Variants in RAP1GAP2 observed in about 807,000 individuals in gnomAD.
RAP1GAP2 encodes RAP1 GTPase activating protein 2.
A neutral mutation model predicts 95.0 loss-of-function variants in RAP1GAP2; 27 were observed. The ratio of observed to expected loss-of-function variants is 0.28; its 90% CI spans 0.21 to 0.39. The LOEUF (loss-of-function observed/expected upper bound fraction) is 0.39. Ranked by LOEUF, RAP1GAP2 falls within the 10% of genes least tolerant of loss-of-function variation. The probability of loss-of-function intolerance (pLI) is 1.00; values close to 1 mark genes in which losing one functional copy is unlikely to be tolerated. For missense variants in RAP1GAP2, 771 were observed against 970.0 expected, an observed-to-expected ratio of 0.79 and a Z score of 2.72; for synonymous variants, 373 against 380.9, an observed-to-expected ratio of 0.98 and a Z score of 0.24.
In RAP1GAP2 at chr17:3,030,983, T is replaced by C. The variant is rs766749728; in HGVS notation, c.2169T>C (p.His723=). The C allele has an allele frequency of 5.0e-6, 8 of 1,607,394 alleles. No homozygotes were observed. In the East Asian group the frequency reaches 1.6e-4, roughly 31 times the overall value. The part of the protein sequence containing the change: ...NLKFRFDKLS[H]ASSGAGH ...AATTCCGCTTTGACAAGCTCAGCCA[T>C]GCCAGCTCTGGTGCGGTAAGGATGC... The change falls in exon 23 of 25, where the codon CAT becomes CAC. Residue 723 remains histidine (H), a synonymous_variant. Coordinates refer to ENST00000254695, the MANE Select transcript of RAP1GAP2 (RefSeq NM_015085.5).
In RAP1GAP2 at chr17:3,035,986, G is replaced by C. The variant is rs760191855; in HGVS notation, c.*2625G>C. On this transcript the variant is annotated 3_prime_UTR_variant, in exon 25 of 25. Coordinates refer to ENST00000254695, the MANE Select transcript of RAP1GAP2 (RefSeq NM_015085.5). This position sits in a 1 kb window ranked among gnomAD's most constrained non-coding sequence, Gnocchi z 4.3. Reference sequence around the variant, plus strand: ...TGATCTCCACGAGGGGATGTTTTCCGGGACACATCTCTGGCTCTGGGAACT... The same window carrying C: ...TGATCTCCACGAGGGGATGTTTTCCCGGACACATCTCTGGCTCTGGGAACT... The C allele has an allele frequency of 6.6e-6, 1 of 152,178 alleles. No individual in the cohort carries two copies. Among genetic ancestry groups the C allele is most frequent in the Non-Finnish European group, 1.5e-5 (1 of 68,058 alleles). The allele number at this position is 152,178 out of a possible 1,614,324, so 9.4% of individuals were successfully genotyped here.
At chr17:2,820,892 G>GTTTTTTTTTTT (rs59814346) in intron 2 of RAP1GAP2, among the ~76,000 whole-genome samples, 1 of 104,104 alleles carries the variant, frequency 9.6e-6, no homozygotes, top group Admixed American at 1.1e-4. Context: ...CCGGATAATG[G>GTTTTTTTTTTT]TTTTTTTTTT....
chr17:2,823,685 C>A (rs186039547), intron 2 of RAP1GAP2, among the ~76,000 whole-genome samples: 2 of 152,322 alleles, frequency 1.3e-5, no homozygotes, highest in East Asian at 3.9e-4. Flanking sequence ...GGCTGCATTC[C>A]TGACTCAAGG....
rs1479457354 is a variant in RAP1GAP2, at chr17:3,004,450, G to A, written c.1201-919G>A. On this transcript the variant is annotated intron_variant, in intron 14 of 24. Transcript: ENST00000254695. This position sits in a 1 kb window ranked among gnomAD's most constrained non-coding sequence, Gnocchi z 4.1. ...GGAGGCTGGCAGCACGCCAGGGCTG[G>A]GCTCACGTCAGCGGCTGTGTAGGGA... Among the ~76,000 whole-genome samples, 1 of 152,250 alleles carries A rather than the reference G, an allele frequency of 6.6e-6. No individual in the cohort carries two copies. Among genetic ancestry groups the A allele is most frequent in the Non-Finnish European group, 1.5e-5 (1 of 68,048 alleles).
At position 2,963,342 on chromosome 17, in the gene RAP1GAP2, A is replaced by T; in HGVS notation, c.247-88A>T. On this transcript the variant is annotated intron_variant, in intron 5 of 24. Coordinates refer to ENST00000254695, the MANE Select transcript of RAP1GAP2 (RefSeq NM_015085.5). The surrounding 1 kb of genome is among the most constrained non-coding windows in gnomAD (Gnocchi z 4.8). Reference sequence around the variant, plus strand: ...TCCTCCCTCAAAGCCCCCCCACAACATATCCCCCTTGCAAGACCTGGAAAC... The same window carrying T: ...TCCTCCCTCAAAGCCCCCCCACAACTTATCCCCCTTGCAAGACCTGGAAAC... 1 of 1,180,608 alleles carries T rather than the reference A, an allele frequency of 8.5e-7. No individual in the cohort carries two copies. Among genetic ancestry groups the T allele is most frequent in the Non-Finnish European group, 1.2e-6 (1 of 806,078 alleles). 73.1% of individuals were successfully genotyped at this position (1,180,608 alleles called of 1,614,324 possible). A position where few individuals can be genotyped will look rare whatever the true frequency, so the allele number is the denominator to read the frequency against.
chr17:2,985,418 A>G (rs1036830127), intron 11 of RAP1GAP2, among the ~76,000 whole-genome samples: 1 of 152,148 alleles, frequency 6.6e-6, no homozygotes, highest in African/African-American at 2.4e-5. Flanking sequence ...CCTTGCCCAA[A>G]TTTCTCCCCA....
chr17:3,024,797 C>A (rs964323516), intron 19 of RAP1GAP2, among the ~76,000 whole-genome samples: 5 of 152,150 alleles, frequency 3.3e-5, no homozygotes, highest in Non-Finnish European at 5.9e-5. Flanking sequence ...TGTTAAGAAG[C>A]CAGACAAAAA....
chr17:2,970,307 A>AATAATG (rs1567839871), intron 8 of RAP1GAP2, among the ~76,000 whole-genome samples: 2 of 150,978 alleles, frequency 1.3e-5, no homozygotes, highest in African/African-American at 4.9e-5. Flanking sequence ...TAATAATAAT[A>AATAATG]CGTCCCTTGT....
intron 2 of RAP1GAP2, among the ~76,000 whole-genome samples, chr17:2,890,812 G>A (rs2073686399): frequency 6.6e-6 from 1 of 151,486 alleles, no homozygotes; most frequent in African/African-American, 2.4e-5. Flanking sequence ...AGCCTCCCGA[G>A]TAGCTGGGAC....
chr17:2,981,176 T>TG lies in RAP1GAP2; in HGVS notation c.676-19_676-18insG. 6.3e-7 allele frequency: 1 copy of TG among 1,583,434 alleles called. No homozygotes were observed. The highest frequency in any genetic ancestry group is 2.2e-5 in the East Asian group (1 of 44,830). On this transcript the variant is annotated intron_variant, in intron 9 of 24. Transcript: ENST00000254695. ...CTACAGATATCATCCCTGACCTGCGTCTTCTTCTCCCTTCTCAGGCTTTCT... is the reference window on the plus strand; with the variant it reads ...CTACAGATATCATCCCTGACCTGCGTGCTTCTTCTCCCTTCTCAGGCTTTCT...
intron 2 of RAP1GAP2, among the ~76,000 whole-genome samples, chr17:2,878,845 G>T (rs556659514): frequency 6.6e-6 from 1 of 152,224 alleles, no homozygotes; most frequent in African/African-American, 2.4e-5. Context: ...TGGTAGCTGC[G>T]TGAGCACGCG....
rs748490647 is a variant in RAP1GAP2, at chr17:3,005,917, G to A, written c.1273-38G>A. On this transcript the variant is annotated intron_variant, in intron 15 of 24. Coordinates refer to ENST00000254695, the MANE Select transcript of RAP1GAP2 (RefSeq NM_015085.5). The surrounding 1 kb of genome is among the most constrained non-coding windows in gnomAD (Gnocchi z 5.2). ...GGCTGAAGACCTTCTGGCAACAGCC[G>A]AGAGTGACAGACCTGAGGTCCGTCT... The A allele has an allele frequency of 6.3e-6, 10 of 1,583,308 alleles. 1 individual carries two copies. Among genetic ancestry groups the A allele is most frequent in the East Asian group, 2.2e-5 (1 of 44,660 alleles).
chr17:2,931,535 C>G (rs1367903234), intron 3 of RAP1GAP2, among the ~76,000 whole-genome samples: 1 of 152,200 alleles, frequency 6.6e-6, no homozygotes, highest in Admixed American at 6.5e-5. Flanking sequence ...TCTTCAGCCC[C>G]AGCTGGCAAA....
chr17:2,981,516 CA>C (rs1479903229), intron 10 of RAP1GAP2, among the ~76,000 whole-genome samples: 2 of 152,176 alleles, frequency 1.3e-5, no homozygotes, highest in East Asian at 3.9e-4. Context: ...GTAGCTTCTC[CA>C]CCACACCTCA....
At chr17:3,018,698 T>G (rs1274862500) in intron 18 of RAP1GAP2, among the ~76,000 whole-genome samples, 2 of 152,208 alleles carry the variant, frequency 1.3e-5, no homozygotes, top group African/African-American at 2.4e-5. Context: ...TGTGTTCTCC[T>G]GTTCCCATTT....
chr17:2,819,128 C>T (rs1055832585), intron 2 of RAP1GAP2, among the ~76,000 whole-genome samples: 3 of 151,596 alleles, frequency 2.0e-5, no homozygotes, highest in African/African-American at 7.3e-5. Flanking sequence ...ACGCCATTCT[C>T]CTGCCTCAGC....
chr17:2,791,697 C>T (rs767908901), upstream of RAP1GAP2, among the ~76,000 whole-genome samples: 10 of 152,274 alleles, frequency 6.6e-5, no homozygotes, highest in South Asian at 1.2e-3. Context: ...CCACAGGAGA[C>T]TCACAGATGC....
chr17:2,989,442 C>T (rs2045678503), intron 11 of RAP1GAP2, among the ~76,000 whole-genome samples: 1 of 152,092 alleles, frequency 6.6e-6, no homozygotes, highest in African/African-American at 2.4e-5. Context: ...CAGCGATTCT[C>T]CCACCTCAGC....
At chr17:2,869,856 C>A (rs910352003) in intron 2 of RAP1GAP2, among the ~76,000 whole-genome samples, 1 of 152,316 alleles carries the variant, frequency 6.6e-6, no homozygotes, top group Non-Finnish European at 1.5e-5. Flanking sequence ...GGAGGCTGAT[C>A]TGGTGAGCGG....
Sources: gnomAD v4.1 joint callset for allele counts (sites outside exome capture counted in the v4.1 genomes callset) on GRCh38, gnomAD v4.1.1 for gene constraint, Gnocchi (gnomAD v3.1) non-coding constraint, MANE v1.5 for transcripts, NCBI Gene and HGNC (gene_info 2026-07-23, HGNC 2026-07-21) for gene names.